ITGA2: variants seen among roughly 807,000 people sequenced by gnomAD.
ITGA2 encodes integrin alpha-2.
In ITGA2, 101 loss-of-function variants were observed where a neutral mutation model predicts 146.3. That is an observed-to-expected ratio of 0.69 (90% CI 0.59 to 0.81). The LOEUF (loss-of-function observed/expected upper bound fraction) is 0.81. Ranked by LOEUF, ITGA2 falls within the 40% of genes least tolerant of loss-of-function variation. The pLI, the probability that ITGA2 is intolerant of heterozygous loss-of-function variation, is 0.00. For synonymous variants in ITGA2, 477 were observed against 487.1 expected, an observed-to-expected ratio of 0.98 and a Z score of 0.27; for missense variants, 1,281 against 1,402.7, an observed-to-expected ratio of 0.91 and a Z score of 1.39.
At chr5:52,992,418 G>A (rs1741008700) in intron 1 of ITGA2, among the ~76,000 whole-genome samples, 1 of 152,130 alleles carries the variant, frequency 6.6e-6, no homozygotes, top group Non-Finnish European at 1.5e-5. Flanking sequence ...AATTTCTCCA[G>A]CTAGACAGTC....
chr5:53,081,683 A>T lies in ITGA2; in HGVS notation c.3131A>T (p.His1044Leu), dbSNP rs190708768. 2 of 1,610,468 alleles carry T rather than the reference A, an allele frequency of 1.2e-6. No homozygotes were observed. Among genetic ancestry groups the T allele is most frequent in the South Asian group, 1.1e-5 (1 of 90,824 alleles). ...TCTTTCAAAAGTGAAAATTTCAGGC[A>T]CACCAAAGAATTGGTGAGGACAAGT... is the stretch of plus-strand genomic sequence containing the variant. ...SVSFKSENFR[H>L]TKELNCRTAS... Residue 1044 changes from histidine to leucine, a missense_variant, in exon 26 of 30, where the codon CAC becomes CTC. Coordinates refer to ENST00000296585, the MANE Select transcript of ITGA2 (RefSeq NM_002203.4).
chr5:53,000,901 T>TG (rs1741550037), intron 1 of ITGA2, among the ~76,000 whole-genome samples: 1 of 143,912 alleles, frequency 6.9e-6, no homozygotes, highest in East Asian at 2.0e-4. Flanking sequence ...CTTTTTGTTT[T>TG]TTTTTTTTTT....
chr5:53,047,287 A>G (rs1392327863), intron 4 of ITGA2, among the ~76,000 whole-genome samples: 1 of 152,142 alleles, frequency 6.6e-6, no homozygotes, highest in Non-Finnish European at 1.5e-5. Context: ...TAGGATCTTA[A>G]TTAGATTTCT....
chr5:53,090,476 A>T, intron 29 of ITGA2, 43 bp from the exon 30 acceptor site: 1 of 1,579,786 alleles, frequency 6.3e-7, no homozygotes, highest in East Asian at 2.2e-5. Flanking sequence ...ACCTTACAAA[A>T]TAAGCCACGG....
At chr5:53,042,052 G>GT in intron 2 of ITGA2, 60 bp from the exon 3 acceptor site, 1 of 995,120 alleles carries the variant, frequency 1.0e-6, no homozygotes, top group East Asian at 2.4e-5. Flanking sequence ...TTGTGATCAG[G>GT]TTTATCTTTA....
chr5:53,080,433 C>A, intron 24 of ITGA2, 78 bp from the exon 25 acceptor site: 1 of 1,138,906 alleles, frequency 8.8e-7, no homozygotes, highest in South Asian at 1.2e-5. Context: ...TGCCCTTCAT[C>A]AACACGGGGT....
intron 2 of ITGA2, among the ~76,000 whole-genome samples, chr5:53,031,710 G>C (rs1439983070): frequency 6.6e-6 from 1 of 152,146 alleles, no homozygotes; most frequent in South Asian, 2.1e-4. Context: ...TCAAGTGAGC[G>C]GGATAATTTT....
At chr5:53,014,437 G>A (rs995575886) in intron 1 of ITGA2, among the ~76,000 whole-genome samples, 4 of 152,180 alleles carry the variant, frequency 2.6e-5, no homozygotes, top group Admixed American at 6.5e-5. Flanking sequence ...ACTTGCATCC[G>A]AGGGATAAAA....
chr5:53,042,400 T>A (rs1743846759), intron 3 of ITGA2, among the ~76,000 whole-genome samples, 179 bp downstream of exon 3: 1 of 152,110 alleles, frequency 6.6e-6, no homozygotes, highest in Non-Finnish European at 1.5e-5. Context: ...AGACTTGACT[T>A]AACAAGATGC....
At chr5:53,087,177 A>C in intron 28 of ITGA2, 136 bp downstream of exon 28, 1 of 723,930 alleles carries the variant, frequency 1.4e-6, no homozygotes, top group Non-Finnish European at 2.4e-6. Context: ...TCTGATGTTT[A>C]TTATGTTGAG....
chr5:53,011,397 A>G lies in ITGA2; in HGVS notation c.65-15351A>G, dbSNP rs934033534. ...GATCAGAGGCAAGCCAATTACAGCAATACAAACAGACTAAAGTACTGTTAG... is the reference window on the plus strand; with the variant it reads ...GATCAGAGGCAAGCCAATTACAGCAGTACAAACAGACTAAAGTACTGTTAG... On this transcript the variant is annotated intron_variant, in intron 1 of 29. Coordinates refer to ENST00000296585, the MANE Select transcript of ITGA2 (RefSeq NM_002203.4). Among the ~76,000 whole-genome samples the G allele has an allele frequency of 7.2e-5, 11 of 152,168 alleles. No individual in the cohort carries two copies. The East Asian group carries it at 9.6e-4, about 13-fold the overall frequency.
chr5:53,072,972 A>G (rs1223388264), intron 19 of ITGA2, 146 bp from the exon 20 acceptor site: 1 of 802,222 alleles, frequency 1.2e-6, no homozygotes, highest in Admixed American at 2.5e-5. Flanking sequence ...TATCATTTTG[A>G]TGCAAAGATA....
rs1235571587 is a variant in ITGA2 at position 53,081,704 on chromosome 5, C to T, written c.3144+8C>T. On this transcript the variant is annotated splice_region_variant and intron_variant, in intron 26 of 29. Transcript: ENST00000296585. Reference sequence around the variant, plus strand: ...AGGCACACCAAAGAATTGGTGAGGACAAGTTAACGTGTGAAAGCTCCCCTC... The same window carrying T: ...AGGCACACCAAAGAATTGGTGAGGATAAGTTAACGTGTGAAAGCTCCCCTC... 1.9e-6 allele frequency: 3 copies of T among 1,576,968 alleles called. No individual in the cohort carries two copies. The highest frequency in any genetic ancestry group is 2.6e-6 in the Non-Finnish European group (3 of 1,147,858).
chr5:53,070,067 T>C (rs1561141497), intron 16 of ITGA2, 42 bp from the exon 17 acceptor site: 1 of 1,528,846 alleles, frequency 6.5e-7, no homozygotes, highest in Middle Eastern at 1.7e-4. Flanking sequence ...TTCCTATAAG[T>C]TGATTTGAAA....
intron 1 of ITGA2, among the ~76,000 whole-genome samples, chr5:52,990,439 C>G (rs2111639471): frequency 6.6e-6 from 1 of 152,190 alleles, no homozygotes; most frequent in East Asian, 1.9e-4. Flanking sequence ...TTAGGCAGAG[C>G]TAGAGTGTGG....
Position 53,073,156 on chromosome 5 carries a change from T to C in ITGA2, c.2468T>C (p.Leu823Ser), listed in dbSNP as rs532669426. The C allele has an allele frequency of 6.2e-7, 1 of 1,612,370 alleles. No homozygotes were observed. The highest frequency in any genetic ancestry group is 1.7e-5 in the Admixed American group (1 of 59,852). Residue 823 changes from leucine (L) to serine (S), a missense_variant, in exon 20 of 30, where the codon TTA (leucine) becomes TCA (serine). Around this residue, in one of 3 missense-constraint regions of ITGA2, gnomAD observed 475 missense variants for 530.5 expected, o/e 0.90. Transcript: ENST00000296585. ...ATTGTCAGCAACCAAAACAAAAGGTTAACATTTTCAGTAACGCTGAAAAAT... is the reference window on the plus strand; with the variant it reads ...ATTGTCAGCAACCAAAACAAAAGGTCAACATTTTCAGTAACGCTGAAAAAT... ...PFIVSNQNKR[L>S]TFSVTLKNKR... is the part of the protein sequence containing the mutation.
chr5:53,027,626 G>T (rs1743016149), intron 2 of ITGA2, among the ~76,000 whole-genome samples: 1 of 152,168 alleles, frequency 6.6e-6, no homozygotes, highest in Admixed American at 6.6e-5. Flanking sequence ...CAGAGTTCAT[G>T]CCCACTGGTG....
rs192482454 is a variant in ITGA2, at chr5:52,999,101, T to C, written c.64+9569T>C. ...TGAAAGTATTAGGACAGTACAGATA[T>C]CATTTTTTCCCCAAACCCTTTTCTG... is the stretch of plus-strand genomic sequence containing the variant. On this transcript the variant is annotated intron_variant, in intron 1 of 29. Coordinates refer to ENST00000296585, the MANE Select transcript of ITGA2 (RefSeq NM_002203.4). Among the ~76,000 whole-genome samples, 177 of 152,316 alleles carry C rather than the reference T, an allele frequency of 1.2e-3. 2 individuals carry two copies. In the South Asian group the frequency reaches 0.027, roughly 23 times the overall value.
Position 53,048,381 on chromosome 5 carries a change from G to A in ITGA2, c.406G>A (p.Ala136Thr). The change falls in exon 5 of 30, where the codon GCA (alanine) becomes ACA (threonine). Residue 136 changes from alanine (A) to threonine (T), a missense_variant. This residue lies in a region of ITGA2 where 795 missense variants were observed against 841.7 expected (regional missense o/e 0.94). Transcript: ENST00000296585. ...TTTGAAGACATGTGGTCCTCTGTGG[G>A]CACAGCAATGTGGGAATCAGTATTA... ...GGFLTCGPLW[A>T]QQCGNQYYTT... is the part of the protein sequence containing the mutation. 1 of 1,613,924 alleles carries A rather than the reference G, an allele frequency of 6.2e-7. No individual in the cohort carries two copies. Among genetic ancestry groups the A allele is most frequent in the South Asian group, 1.1e-5 (1 of 91,086 alleles).
Sources: gnomAD v4.1 joint callset for allele counts (sites outside exome capture counted in the v4.1 genomes callset) on GRCh38, gnomAD v4.1.1 for gene constraint, gnomAD v4.1.1 regional missense constraint, MANE v1.5 for transcripts, NCBI Gene and HGNC (gene_info 2026-07-23, HGNC 2026-07-21) for gene names.